Variants in PVT1 observed in about 807,000 individuals in gnomAD.
PVT1 encodes Pvt1 oncogene.
intron 5 of PVT1, among the ~76,000 whole-genome samples, chr8:128,078,117 C>T (rs888073898): frequency 2.0e-5 from 3 of 152,104 alleles, no homozygotes; most frequent in Non-Finnish European, 4.4e-5. Context: ...AAACAGTTAG[C>T]GTGCCTGTCC....
intron 3 of PVT1, among the ~76,000 whole-genome samples, chr8:127,979,677 C>T (rs773765426): frequency 5.9e-5 from 9 of 152,250 alleles, no homozygotes; most frequent in Non-Finnish European, 1.2e-4. Context: ...CAGAATTGTC[C>T]TGAATTGAGG....
chr8:127,840,431 C>A (rs528031428), intron 2 of PVT1, among the ~76,000 whole-genome samples: 1 of 152,214 alleles, frequency 6.6e-6, no homozygotes, highest in Admixed American at 6.5e-5. Flanking sequence ...TATTCTGGAA[C>A]GTTTGATAAT....
At chr8:127,885,623 C>T (rs1815514260) in intron 2 of PVT1, among the ~76,000 whole-genome samples, 1 of 152,136 alleles carries the variant, frequency 6.6e-6, no homozygotes, top group African/African-American at 2.4e-5. Flanking sequence ...AGATCATCAC[C>T]TTGGCAGTTA....
intron 3 of PVT1, among the ~76,000 whole-genome samples, chr8:127,937,580 C>CACAGAG (rs59006608): frequency 0.018 from 1,916 of 107,762 alleles, 23 homozygotes; most frequent in African/African-American, 0.02. Flanking sequence ...CACACACACA[C>CACAGAG]AGAGAGAGAG....
At chr8:128,053,115 G>A (rs181839289) in intron 4 of PVT1, among the ~76,000 whole-genome samples, 57 of 152,348 alleles carry the variant, frequency 3.7e-4, no homozygotes, top group African/African-American at 1.3e-3. Context: ...AGAGTTAACA[G>A]CATAGTAAAG....
intron 2 of PVT1, among the ~76,000 whole-genome samples, chr8:127,856,202 C>T (rs1185913113): frequency 2.0e-5 from 3 of 151,976 alleles, no homozygotes; most frequent in Non-Finnish European, 2.9e-5. Flanking sequence ...GTGTGGAGAG[C>T]TTTGATGGGG....
At chr8:127,842,884 G>A (rs2129718485) in intron 2 of PVT1, among the ~76,000 whole-genome samples, 1 of 152,306 alleles carries the variant, frequency 6.6e-6, no homozygotes, top group South Asian at 2.1e-4. Context: ...AGATTGCCTA[G>A]TACCCAACTT....
At chr8:127,897,751 C>T (rs1268250260) in intron 3 of PVT1, among the ~76,000 whole-genome samples, 2 of 148,292 alleles carry the variant, frequency 1.3e-5, no homozygotes, top group Admixed American at 6.7e-5. Flanking sequence ...ATTCATTATT[C>T]TGTCCTCTGA....
chr8:127,874,032 C>G (rs1815379336), intron 2 of PVT1, among the ~76,000 whole-genome samples: 1 of 152,328 alleles, frequency 6.6e-6, no homozygotes, highest in African/African-American at 2.4e-5. Context: ...TGTCCTCAAG[C>G]TGCTCACAGC....
At chr8:127,889,283 C>A (rs996213500) in intron 2 of PVT1, among the ~76,000 whole-genome samples, 6 of 152,052 alleles carry the variant, frequency 3.9e-5, no homozygotes, top group African/African-American at 1.4e-4. Context: ...GCATGCACCA[C>A]CACACCCAGC....
chr8:127,856,156 C>A (rs1433508756), intron 2 of PVT1, among the ~76,000 whole-genome samples: 1 of 152,074 alleles, frequency 6.6e-6, no homozygotes, highest in Non-Finnish European at 1.5e-5. Flanking sequence ...TGCCCTCTAC[C>A]CAATGTGTAG....
At chr8:128,028,639 G>A (rs1020568852) in intron 4 of PVT1, among the ~76,000 whole-genome samples, 12 of 152,194 alleles carry the variant, frequency 7.9e-5, no homozygotes, top group African/African-American at 2.2e-4. Context: ...TGTAAGTGGG[G>A]AGCATAGAGC....
At chr8:128,030,356 A>G (rs1302538185) in intron 4 of PVT1, among the ~76,000 whole-genome samples, 2 of 152,204 alleles carry the variant, frequency 1.3e-5, no homozygotes, top group East Asian at 3.8e-4. Flanking sequence ...ATATATTTGA[A>G]AAAGTAAAGA....
At chr8:127,964,409 C>T (rs893148826) in intron 3 of PVT1, among the ~76,000 whole-genome samples, 4 of 152,212 alleles carry the variant, frequency 2.6e-5, no homozygotes, top group African/African-American at 9.6e-5. Context: ...GGATGGAGGT[C>T]CTCGGAAGGG....
intron 4 of PVT1, among the ~76,000 whole-genome samples, chr8:128,049,611 C>T (rs1327255807): frequency 6.6e-6 from 1 of 152,078 alleles, no homozygotes; most frequent in Non-Finnish European, 1.5e-5. Flanking sequence ...GATGCATTAT[C>T]AGGGTGGATG....
At chr8:128,081,356 G>A (rs1055230756) in intron 5 of PVT1, among the ~76,000 whole-genome samples, 11 of 152,132 alleles carry the variant, frequency 7.2e-5, no homozygotes, top group Non-Finnish European at 1.0e-4. Context: ...ACAGACATTC[G>A]TACATAGGTT....
At chr8:127,812,268 A>AAGGCAGGAAGGAAGGAAGGCAGGAAGGC (rs750721995) in intron 2 of PVT1, among the ~76,000 whole-genome samples, 1 of 131,218 alleles carries the variant, frequency 7.6e-6, no homozygotes. Context: ...GGAAGGCAGG[A>AAGGCAGGAAGGAAGGAAGGCAGGAAGGC]AGGAAGGAAG....
intron 2 of PVT1, among the ~76,000 whole-genome samples, chr8:127,883,720 C>G (rs1296510270): frequency 6.6e-6 from 1 of 152,194 alleles, no homozygotes; most frequent in African/African-American, 2.4e-5. Context: ...TTGGTCCTGA[C>G]AGCCTGGGAG....
At chr8:128,080,367 C>T (rs544182411) in intron 5 of PVT1, among the ~76,000 whole-genome samples, 1 of 152,238 alleles carries the variant, frequency 6.6e-6, no homozygotes, top group Admixed American at 6.5e-5. Flanking sequence ...AATGAGAGTC[C>T]CTGTTGCTCC....
Sources: allele counts gnomAD v4.1 joint callset (sites outside exome capture counted in the v4.1 genomes callset), GRCh38; gene constraint gnomAD v4.1.1; transcripts MANE v1.5; gene names NCBI Gene and HGNC (gene_info 2026-07-23, HGNC 2026-07-21).